The following RNF130 variants were observed in gnomAD, a reference collection of about 807,000 sequenced individuals.
RNF130 encodes E3 ubiquitin-protein ligase RNF130.
RNF130 carries 21 observed loss-of-function variants against 44.6 expected under a neutral mutation model. That is an observed-to-expected ratio of 0.47 (90% CI 0.33 to 0.68). The LOEUF (loss-of-function observed/expected upper bound fraction) is 0.68, where lower values mean the gene tolerates loss of function less well. Ranked by LOEUF, RNF130 falls within the 30% of genes least tolerant of loss-of-function variation. The probability of loss-of-function intolerance (pLI) is 0.02; values close to 1 mark genes in which losing one functional copy is unlikely to be tolerated. For missense variants in RNF130, 479 were observed against 560.6 expected, an observed-to-expected ratio of 0.85 and a Z score of 1.47; for synonymous variants, 214 against 210.4, an observed-to-expected ratio of 1.02 and a Z score of -0.15.
At chr5:179,954,763 T>G (rs1425123072), downstream of RNF130, among the ~76,000 whole-genome samples, 1 of 152,230 alleles carries the variant, frequency 6.6e-6, no homozygotes, top group East Asian at 1.9e-4. Flanking sequence ...GATTTGAGCA[T>G]GACTACTGGA....
chr5:179,999,312 C>T (rs934610216), intron 3 of RNF130, among the ~76,000 whole-genome samples: 5 of 152,072 alleles, frequency 3.3e-5, no homozygotes, highest in African/African-American at 1.2e-4. Flanking sequence ...TGAGCCACCA[C>T]GCCTGGCCTG....
intron 1 of RNF130, among the ~76,000 whole-genome samples, chr5:180,057,288 C>T (rs927366192): frequency 1.3e-5 from 2 of 152,348 alleles, no homozygotes; most frequent in Non-Finnish European, 2.9e-5. Flanking sequence ...GTGGCTCACG[C>T]CTGTAATCCC....
At chr5:180,044,921 T>A (rs909450219) in intron 1 of RNF130, among the ~76,000 whole-genome samples, 1 of 151,876 alleles carries the variant, frequency 6.6e-6, no homozygotes. Flanking sequence ...CAACACGAAG[T>A]GCACTTAAGA....
At chr5:180,056,277 G>T (rs1764820098) in intron 1 of RNF130, among the ~76,000 whole-genome samples, 1 of 151,506 alleles carries the variant, frequency 6.6e-6, no homozygotes, top group Admixed American at 6.6e-5. Flanking sequence ...CCCTAATAGT[G>T]TATGTATGAC....
intron 5 of RNF130, among the ~76,000 whole-genome samples, chr5:179,971,171 G>C (rs1762574155): frequency 1.3e-5 from 2 of 152,026 alleles, no homozygotes; most frequent in African/African-American, 2.4e-5. Flanking sequence ...GTCATACAGG[G>C]TTTTGCATTC....
intron 7 of RNF130, among the ~76,000 whole-genome samples, chr5:179,966,197 A>G (rs916011728): frequency 6.6e-6 from 1 of 152,098 alleles, no homozygotes; most frequent in Non-Finnish European, 1.5e-5. Context: ...TCGACAGTGC[A>G]ATGTGAAGAC....
intron 3 of RNF130, among the ~76,000 whole-genome samples, chr5:179,985,094 G>A (rs1481538052): frequency 6.9e-6 from 1 of 145,718 alleles, no homozygotes; most frequent in Non-Finnish European, 1.5e-5. Flanking sequence ...CTCTGGTGTA[G>A]TATCTATTTG....
chr5:180,032,287 A>G (rs34603792), intron 2 of RNF130, among the ~76,000 whole-genome samples: 19,286 of 152,186 alleles, frequency 0.13, 1,392 homozygotes, highest in East Asian at 0.27. Flanking sequence ...CTATCTTCTA[A>G]AAGTTTACAG....
chr5:179,922,340 T>A (rs1761646173), intron 7 of RNF130, among the ~76,000 whole-genome samples: 1 of 151,868 alleles, frequency 6.6e-6, no homozygotes, highest in Non-Finnish European at 1.5e-5. Flanking sequence ...TGAGACAGAG[T>A]CTTGCCCTGT....
chr5:179,921,650 A>C (rs1761633026), intron 7 of RNF130, among the ~76,000 whole-genome samples: 1 of 152,214 alleles, frequency 6.6e-6, no homozygotes, highest in Non-Finnish European at 1.5e-5. Flanking sequence ...TACAAAAATT[A>C]GCTGAGCATG....
intron 2 of RNF130, among the ~76,000 whole-genome samples, chr5:180,026,041 T>C (rs745773183): frequency 7.3e-5 from 11 of 151,580 alleles, no homozygotes; most frequent in Non-Finnish European, 1.6e-4. Context: ...ATAATAAATA[T>C]AGAGCTAAAT....
chr5:179,977,882 G>C lies in RNF130; in HGVS notation c.848+321C>G. Among the ~76,000 whole-genome samples, 1 of 152,186 alleles carries C rather than the reference G, an allele frequency of 6.6e-6. No homozygotes were observed. The highest frequency in any genetic ancestry group is 1.5e-5 in the Non-Finnish European group (1 of 68,000). On this transcript the variant is annotated intron_variant, in intron 5 of 8. Coordinates refer to ENST00000521389, the MANE Select transcript of RNF130 (RefSeq NM_018434.6). The surrounding 1 kb of genome is among the most constrained non-coding windows in gnomAD (Gnocchi z 4.1). ...AAAATAAATAAATAAATAAATAAAA[G>C]AAAACAAACATAAAAAGATAAACGA... is the stretch of plus-strand genomic sequence containing the variant.
chr5:179,984,475 T>C (rs1164140669), intron 3 of RNF130, among the ~76,000 whole-genome samples: 1 of 152,222 alleles, frequency 6.6e-6, no homozygotes, highest in African/African-American at 2.4e-5. Flanking sequence ...ATGTTGGACT[T>C]CGGCAAATAT....
chr5:179,923,613 C>T (rs942977229), intron 7 of RNF130, among the ~76,000 whole-genome samples: 49 of 152,188 alleles, frequency 3.2e-4, no homozygotes, highest in Admixed American at 3.2e-3. Context: ...AAAGCGTGTT[C>T]AGTGAGGCAA....
chr5:179,985,519 C>G (rs1423227131), intron 3 of RNF130, among the ~76,000 whole-genome samples: 1 of 152,094 alleles, frequency 6.6e-6, no homozygotes, highest in Non-Finnish European at 1.5e-5. Flanking sequence ...TCATGGGGTT[C>G]TGGGTGGCCA....
chr5:179,968,151 C>T (rs909904430), intron 6 of RNF130, among the ~76,000 whole-genome samples: 3 of 151,912 alleles, frequency 2.0e-5, no homozygotes, highest in Non-Finnish European at 4.4e-5. Context: ...AAACATTAGC[C>T]GGGCATGGTG....
chr5:179,995,676 A>G (rs1469491802), intron 3 of RNF130, among the ~76,000 whole-genome samples: 2 of 152,182 alleles, frequency 1.3e-5, no homozygotes, highest in Non-Finnish European at 2.9e-5. Context: ...GGGAAGCTCA[A>G]GGTGCTCTCC....
exon 8 of RNF130, chr5:179,913,694 C>T (rs1761500604): frequency 6.6e-6 from 1 of 152,136 alleles, no homozygotes; most frequent in Admixed American, 6.5e-5. Flanking sequence ...TCCAGGATAC[C>T]CACAAAAAAG....
At chr5:179,967,110 C>T in intron 6 of RNF130, 100 bp from the exon 7 acceptor site, 2 of 1,051,464 alleles carry the variant, frequency 1.9e-6, no homozygotes, top group South Asian at 3.0e-5. Flanking sequence ...TTGCAAAGAC[C>T]TTACCAGGTT....
Sources: gnomAD v4.1 joint callset for allele counts (sites outside exome capture counted in the v4.1 genomes callset) on GRCh38, gnomAD v4.1.1 for gene constraint, Gnocchi (gnomAD v3.1) non-coding constraint, MANE v1.5 for transcripts, NCBI Gene and HGNC (gene_info 2026-07-23, HGNC 2026-07-21) for gene names.